Variants in SYNE1 observed in about 807,000 individuals in gnomAD.
SYNE1 encodes nesprin-1.
In SYNE1, 616 loss-of-function variants were observed where a neutral mutation model predicts 1,111.0. That is an observed-to-expected ratio of 0.55 (90% confidence interval 0.52 to 0.59). The LOEUF is 0.59. SYNE1 is among the 20% of genes least tolerant of loss of function. SYNE1 has a pLI of 0.00. For synonymous variants in SYNE1, 3,855 were observed against 3,825.8 expected, an observed-to-expected ratio of 1.01 and a Z score of -0.28; for missense variants, 10,006 against 10,417.0, an observed-to-expected ratio of 0.96 and a Z score of 1.72.
intron 129 of SYNE1, among the ~76,000 whole-genome samples, chr6:152,177,745 T>A (rs2066845659): frequency 6.6e-6 from 1 of 152,230 alleles, no homozygotes; most frequent in Non-Finnish European, 1.5e-5. Flanking sequence ...ACATTTGAGA[T>A]GATTTTATTG....
intron 27 of SYNE1, among the ~76,000 whole-genome samples, chr6:152,450,229 A>G (rs1305595013): frequency 6.6e-6 from 1 of 152,176 alleles, no homozygotes; most frequent in African/African-American, 2.4e-5. Flanking sequence ...TCATGTGAAG[A>G]AGGACATGTT....
chr6:152,305,354 C>T (rs770254713), intron 91 of SYNE1, among the ~76,000 whole-genome samples: 2 of 152,272 alleles, frequency 1.3e-5, no homozygotes, highest in South Asian at 4.2e-4. Context: ...CAACCTCCAC[C>T]TCCCAGGTTC....
chr6:152,491,750 T>C (rs904503719), intron 11 of SYNE1, among the ~76,000 whole-genome samples: 1 of 152,098 alleles, frequency 6.6e-6, no homozygotes, highest in Non-Finnish European at 1.5e-5. Context: ...ATCACAAATC[T>C]TCTTTCTCTC....
At chr6:152,618,657 T>A (rs988920373) in intron 3 of SYNE1, among the ~76,000 whole-genome samples, 11 of 152,156 alleles carry the variant, frequency 7.2e-5, no homozygotes, top group Non-Finnish European at 1.5e-5. Context: ...CAAGAGGTCA[T>A]TGTGAACAAT....
intron 2 of SYNE1, among the ~76,000 whole-genome samples, chr6:152,631,297 C>T (rs2099697580): frequency 6.6e-6 from 1 of 152,074 alleles, no homozygotes; most frequent in Non-Finnish European, 1.5e-5. Context: ...GAGCAAAGGC[C>T]TCAGCATGAG....
Position 152,352,227 on chromosome 6 carries a change from T to G in SYNE1, c.11380A>C (p.Met3794Leu), listed in dbSNP as rs769573029. Reference protein sequence around the residue: ...ERLRKEIHDHMEQLKELTSTV... With the variant: ...ERLRKEIHDHLEQLKELTSTV... Reference sequence around the variant, plus strand: ...CTGGTCAGTTCCTTCAACTGCTCCATGTGATCATGAATCTCCTTTCTTAAC... The same window carrying G: ...CTGGTCAGTTCCTTCAACTGCTCCAGGTGATCATGAATCTCCTTTCTTAAC... Residue 3794 changes from methionine to leucine, a missense_variant, in exon 70 of 146, where the codon ATG (methionine) becomes CTG (leucine). Met to Leu is a conservative substitution (Grantham distance 15). Around this residue, in one of 7 missense-constraint regions of SYNE1, gnomAD observed 4,955 missense variants for 5,017.2 expected, o/e 0.99. Transcript: ENST00000367255. The G allele has an allele frequency of 6.2e-7, 1 of 1,614,188 alleles. No homozygotes were observed. Among genetic ancestry groups the G allele is most frequent in the East Asian group, 2.2e-5 (1 of 44,880 alleles).
Position 152,191,715 on chromosome 6 carries a change from T to A in SYNE1, c.23146-2308A>T, listed in dbSNP as rs145412983. ...AAAAATAAACTTTTCATTTTGTTGA[T>A]CTTTTGTATTGTTTTCTTCATTTCC... On this transcript the variant is annotated intron_variant, in intron 127 of 145. Coordinates refer to ENST00000367255, the MANE Select transcript of SYNE1 (RefSeq NM_182961.4). Among the ~76,000 whole-genome samples the A allele has an allele frequency of 7.5e-4, 114 of 152,262 alleles. 1 individual carries two copies. In the East Asian group the frequency reaches 0.021, roughly 28 times the overall value.
chr6:152,570,722 T>C (rs2099448596), intron 3 of SYNE1, among the ~76,000 whole-genome samples: 1 of 152,146 alleles, frequency 6.6e-6, no homozygotes, highest in South Asian at 2.1e-4. Flanking sequence ...ATCAAAACAA[T>C]GGTATCCCCT....
intron 14 of SYNE1, among the ~76,000 whole-genome samples, chr6:152,477,638 T>C (rs1342619202): frequency 6.8e-6 from 1 of 146,750 alleles, no homozygotes. Flanking sequence ...TTTATTACCT[T>C]TATCTGCCTC....
Position 152,362,185 on chromosome 6 carries a change from C to T in SYNE1, c.10284G>A (p.Met3428Ile). Residue 3428 changes from methionine to isoleucine, a missense_variant, in exon 64 of 146, where the codon ATG becomes ATA. By Grantham distance (10) the Met-to-Ile change is conservative. Coordinates refer to ENST00000367255, the MANE Select transcript of SYNE1 (RefSeq NM_182961.4). Reference sequence around the variant, plus strand: ...CAGCTCTCACCTTGGCTTTTCCGAGCATCGTTGTTTTATCCCGCAGCTCCG... The same window carrying T: ...CAGCTCTCACCTTGGCTTTTCCGAGTATCGTTGTTTTATCCCGCAGCTCCG... ...QHAELRDKTT[M>I]LGKAKLLNEE... 1 of 1,614,210 alleles carries T rather than the reference C, an allele frequency of 6.2e-7. No individual in the cohort carries two copies. The highest frequency in any genetic ancestry group is 8.5e-7 in the Non-Finnish European group (1 of 1,180,048).
chr6:152,163,295 T>C (rs1021440009), intron 131 of SYNE1, among the ~76,000 whole-genome samples: 1 of 152,152 alleles, frequency 6.6e-6, no homozygotes, highest in African/African-American at 2.4e-5. Flanking sequence ...GGTCAGGAGT[T>C]TGAGACCAGC....
chr6:152,435,661 A>C (rs1170162704), intron 33 of SYNE1: 3 of 478,426 alleles, frequency 6.3e-6, no homozygotes, highest in African/African-American at 6.0e-5. Context: ...TTCCCTCTAC[A>C]ATGTACAAAG....
At chr6:152,405,505 T>G (rs1387757927) in intron 45 of SYNE1, among the ~76,000 whole-genome samples, 1 of 152,222 alleles carries the variant, frequency 6.6e-6, no homozygotes. Flanking sequence ...AGTAGTGATA[T>G]GTAGAAGAAT....
intron 46 of SYNE1, chr6:152,402,356 G>C (rs58111491): frequency 0.023 from 3,453 of 152,306 alleles, 115 homozygotes; most frequent in African/African-American, 0.077. Context: ...TCATTGCTAA[G>C]GTCTGTTTAT....
At chr6:152,310,648 T>C (rs764609113) in intron 88 of SYNE1, 40 bp downstream of exon 88, 10 of 1,609,766 alleles carry the variant, frequency 6.2e-6, no homozygotes, top group Non-Finnish European at 8.5e-6. Flanking sequence ...CTTTCAATGA[T>C]AGACATTTTT....
At chr6:152,529,887 A>G (rs2099187535) in intron 4 of SYNE1, among the ~76,000 whole-genome samples, 1 of 151,996 alleles carries the variant, frequency 6.6e-6, no homozygotes, top group African/African-American at 2.4e-5. Flanking sequence ...GACCTCAGCT[A>G]CTCAGCTCCA....
rs2099639208 is a variant in SYNE1, at chr6:152,614,021, A to G, written c.67+14244T>C. 5.3e-5 allele frequency among the ~76,000 whole-genome samples: 8 copies of G among 152,350 alleles called. 1 individual carries two copies. In the South Asian group the frequency reaches 1.7e-3, roughly 32 times the overall value. On this transcript the variant is annotated intron_variant, in intron 3 of 145. Coordinates refer to ENST00000367255, the MANE Select transcript of SYNE1 (RefSeq NM_182961.4). ...TATAGACTTAAATGTTAGACTTAAA[A>G]CCACAGAAACCCTAGAAGAAAGCCT...
chr6:152,493,135 T>G (rs925833866), intron 11 of SYNE1, among the ~76,000 whole-genome samples: 1 of 152,050 alleles, frequency 6.6e-6, no homozygotes, highest in Non-Finnish European at 1.5e-5. Context: ...TCCCTAGCAA[T>G]TGACCACATG....
intron 127 of SYNE1, among the ~76,000 whole-genome samples, chr6:152,197,918 T>G (rs1419511687): frequency 6.6e-6 from 1 of 152,178 alleles, no homozygotes; most frequent in Admixed American, 6.5e-5. Context: ...TTTTAAGCTA[T>G]TAAATTTCTC....
Sources: allele counts gnomAD v4.1 joint callset (sites outside exome capture counted in the v4.1 genomes callset), GRCh38; gene constraint gnomAD v4.1.1; regional missense constraint gnomAD v4.1.1; transcripts MANE v1.5; gene names NCBI Gene and HGNC (gene_info 2026-07-23, HGNC 2026-07-21).